The following FAM185A variants were observed in gnomAD, a reference collection of about 807,000 sequenced individuals.
The protein encoded by FAM185A is protein FAM185A.
In FAM185A, 21 loss-of-function variants were observed where a neutral mutation model predicts 45.7. The observed-to-expected ratio is 0.46, with a 90% CI of 0.33 to 0.66. The LOEUF (loss-of-function observed/expected upper bound fraction) is 0.66. Ranked by LOEUF, FAM185A falls within the 30% of genes least tolerant of loss-of-function variation. The pLI, the probability that FAM185A is intolerant of heterozygous loss-of-function variation, is 0.03. For missense variants in FAM185A, 305 were observed against 485.4 expected (o/e 0.63, Z 3.49); for synonymous variants, 117 against 194.0 (o/e 0.60, Z 3.30).
intron 7 of FAM185A, among the ~76,000 whole-genome samples, chr7:102,805,897 G>A (rs1290129698): frequency 2.0e-5 from 3 of 152,046 alleles, no homozygotes; most frequent in Non-Finnish European, 4.4e-5. Context: ...TTTGGGATCC[G>A]CAGAAAAGAA....
intron 7 of FAM185A, among the ~76,000 whole-genome samples, chr7:102,797,029 T>C (rs1796472255): frequency 6.6e-6 from 1 of 152,260 alleles, no homozygotes; most frequent in Admixed American, 6.5e-5. Flanking sequence ...CTGTTGACTT[T>C]ATTATTATTG....
At chr7:102,846,410 G>T in the FAM185A span, among the ~76,000 whole-genome samples, 2 of 152,086 alleles carry the variant, frequency 1.3e-5, no homozygotes, top group Non-Finnish European at 2.9e-5. Context: ...CTGAGGTCAG[G>T]GGTTCAAGAC....
the FAM185A span, among the ~76,000 whole-genome samples, chr7:102,834,088 A>AAGGGAG: frequency 3.2e-5 from 2 of 61,748 alleles, no homozygotes; most frequent in African/African-American, 6.9e-5. Flanking sequence ...AAGGAAAGAA[A>AAGGGAG]AGAAAGAAAG....
At chr7:102,835,197 T>G in the FAM185A span, among the ~76,000 whole-genome samples, 1 of 152,164 alleles carries the variant, frequency 6.6e-6, no homozygotes, top group Non-Finnish European at 1.5e-5. Context: ...GCACTTAGGG[T>G]ATTTGACTCA....
intron 3 of FAM185A, among the ~76,000 whole-genome samples, chr7:102,760,592 T>A (rs1228638815): frequency 1.3e-5 from 2 of 152,162 alleles, no homozygotes; most frequent in African/African-American, 2.4e-5. Context: ...AAAATTATTT[T>A]AAAAATATCT....
chr7:102,824,367 G>A, the FAM185A span, among the ~76,000 whole-genome samples: 1 of 152,078 alleles, frequency 6.6e-6, no homozygotes, highest in Non-Finnish European at 1.5e-5. Context: ...GCAAAGGAAA[G>A]CAATTACACA....
chr7:102,808,546 A>G lies in FAM185A; in HGVS notation c.*144A>G. The G allele has an allele frequency of 1.6e-6, 1 of 618,502 alleles. No individual in the cohort carries two copies. Among genetic ancestry groups the G allele is most frequent in the South Asian group, 2.0e-5 (1 of 50,476 alleles). 38.3% of individuals were successfully genotyped at this position (618,502 alleles called of 1,614,324 possible). ...TGAACTGTTTTGGGAGGCTTTTTCA[A>G]AATTTGTGCTTTGCTATTGTATTCA... is the stretch of plus-strand genomic sequence containing the variant. On this transcript the variant is annotated 3_prime_UTR_variant, in exon 8 of 8. Transcript: ENST00000413034.
intron 6 of FAM185A, among the ~76,000 whole-genome samples, chr7:102,777,876 T>G (rs2129438169): frequency 6.6e-6 from 1 of 152,256 alleles, no homozygotes; most frequent in South Asian, 2.1e-4. Flanking sequence ...CTGACACAAC[T>G]TATTCTGAGT....
intron 7 of FAM185A, among the ~76,000 whole-genome samples, chr7:102,789,905 TTAGTC>T (rs1163956770): frequency 4.6e-5 from 7 of 152,182 alleles, no homozygotes; most frequent in Non-Finnish European, 1.5e-5. Context: ...AACACACACA[TTAGTC>T]TAGGCTTTTA....
chr7:102,821,969 C>CT, the FAM185A span: 1 of 1,491,718 alleles, frequency 6.7e-7, no homozygotes, highest in Admixed American at 1.7e-5. Context: ...TATTATGAAC[C>CT]TTATAGCCAT....
chr7:102,759,132 C>T (rs1793954782), intron 3 of FAM185A, among the ~76,000 whole-genome samples: 1 of 151,928 alleles, frequency 6.6e-6, no homozygotes, highest in Non-Finnish European at 1.5e-5. Flanking sequence ...TTGCTGTGGT[C>T]TTGGAGGTGC....
At chr7:102,823,981 GAAGA>G in the FAM185A span, among the ~76,000 whole-genome samples, 37 of 152,302 alleles carry the variant, frequency 2.4e-4, no homozygotes, top group East Asian at 6.4e-3. Flanking sequence ...CAGAATTGTA[GAAGA>G]AAGGAAGGAC....
In FAM185A at chr7:102,803,248, A is replaced by G. The variant is rs142597762; in HGVS notation, c.1067-5042A>G. 6.6e-3 allele frequency among the ~76,000 whole-genome samples: 1,004 copies of G among 152,328 alleles called. 9 individuals are homozygous for G. The highest frequency in any genetic ancestry group is 0.023 in the African/African-American group (949 of 41,564). The stretch of plus-strand genomic sequence containing the variant: ...AACCAAAAAAGAAAACTACAGGCTG[A>G]TATCCCTGATGAACACAGACGCTAA... On this transcript the variant is annotated intron_variant, in intron 7 of 7. Transcript: ENST00000413034.
rs574255941 is a variant in FAM185A, at chr7:102,771,428, C to T, written c.794-981C>T. ...GTTTTTATTCATACACAAATATACTCCTTGTTCATATACTCACAAGAAATA... is the reference window on the plus strand; with the variant it reads ...GTTTTTATTCATACACAAATATACTTCTTGTTCATATACTCACAAGAAATA... On this transcript the variant is annotated intron_variant, in intron 4 of 7. Transcript: ENST00000413034. 8.5e-5 allele frequency among the ~76,000 whole-genome samples: 13 copies of T among 152,264 alleles called. No individual in the cohort carries two copies. In the South Asian group the frequency reaches 2.3e-3, roughly 27 times the overall value.
chr7:102,773,743 TATC>T (rs1198180350), intron 5 of FAM185A, among the ~76,000 whole-genome samples: 1 of 152,156 alleles, frequency 6.6e-6, no homozygotes, highest in African/African-American at 2.4e-5. Flanking sequence ...AATTTTTTTA[TATC>T]ATCATTTGTT....
downstream of FAM185A, among the ~76,000 whole-genome samples, chr7:102,809,996 A>T (rs142763326): frequency 1.5e-3 from 233 of 152,088 alleles, no homozygotes; most frequent in African/African-American, 5.2e-3. Context: ...TTGCCATGTG[A>T]TGTGCCTGCT....
the FAM185A span, among the ~76,000 whole-genome samples, chr7:102,820,235 G>A: frequency 6.6e-6 from 1 of 152,158 alleles, no homozygotes; most frequent in Non-Finnish European, 1.5e-5. Flanking sequence ...TTTAGACAAC[G>A]AAGTGCACAC....
At chr7:102,822,342 A>C in the FAM185A span, 373 of 844,508 alleles carry the variant, frequency 4.4e-4, 6 homozygotes, top group East Asian at 6.3e-3. Flanking sequence ...TCACAGTTCT[A>C]GAGGCTGGGA....
chr7:102,783,853 TAG>T (rs1795584420), intron 6 of FAM185A, among the ~76,000 whole-genome samples: 1 of 151,718 alleles, frequency 6.6e-6, no homozygotes, highest in East Asian at 1.9e-4. Context: ...CTGAAGGAAA[TAG>T]AGACACAAAA....
Sources: allele counts gnomAD v4.1 joint callset (sites outside exome capture counted in the v4.1 genomes callset), GRCh38; gene constraint gnomAD v4.1.1; transcripts MANE v1.5; gene names NCBI Gene and HGNC (gene_info 2026-07-23, HGNC 2026-07-21).